Variants in GEN1 observed in about 807,000 individuals in gnomAD.
GEN1 encodes GEN1 structure-specific endonuclease.
Under a neutral mutation model 67.6 loss-of-function variants are expected in GEN1, and 64 were observed. The ratio of observed to expected loss-of-function variants is 0.95; its 90% CI spans 0.77 to 1.17. GEN1 has a LOEUF of 1.17. Among genes scored for constraint, GEN1 ranks in the 50% most tolerant of loss-of-function variants. GEN1 has a pLI of 0.00. For missense variants in GEN1, 1,058 were observed against 1,048.3 expected (o/e 1.01, Z -0.13); for synonymous variants, 371 against 359.4 (o/e 1.03, Z -0.37).
Position 17,788,429 on chromosome 2 carries a change from G to GT in GEN1, c.*6493dup, listed in dbSNP as rs1200199953. 2 of 152,226 alleles carry GT rather than the reference G, an allele frequency of 1.3e-5. No individual in the cohort carries two copies. The highest frequency in any genetic ancestry group is 4.8e-5 in the African/African-American group (2 of 41,466). 9.4% of individuals were successfully genotyped at this position (152,226 alleles called of 1,614,324 possible). On this transcript the variant is annotated 3_prime_UTR_variant, in exon 14 of 14. Transcript: ENST00000381254. Reference sequence around the variant, plus strand: ...GCCAGATAAATTCACTAAGTTGCCTGTTTGGCAATGGAGGGCAGAGTTATC... The same window carrying GT: ...GCCAGATAAATTCACTAAGTTGCCTGTTTTGGCAATGGAGGGCAGAGTTATC...
intron 11 of GEN1, among the ~76,000 whole-genome samples, chr2:17,775,378 A>T (rs180875239): frequency 1.3e-5 from 2 of 152,360 alleles, no homozygotes; most frequent in African/African-American, 4.8e-5. Flanking sequence ...CATATAAAAA[A>T]TGCTTAAGAG....
intron 12 of GEN1, among the ~76,000 whole-genome samples, chr2:17,779,115 G>A (rs1672698103): frequency 6.6e-6 from 1 of 152,124 alleles, no homozygotes; most frequent in Admixed American, 6.5e-5. Context: ...TAGAGATGGA[G>A]TTTCGTTATT....
Position 17,760,188 on chromosome 2 carries a change from T to G in GEN1, c.161+84T>G, listed in dbSNP as rs1671608171. 1.7e-5 allele frequency: 22 copies of G among 1,292,998 alleles called. No individual in the cohort carries two copies. The South Asian group carries it at 3.3e-4, about 19-fold the overall frequency. 80.1% of individuals were successfully genotyped at this position (1,292,998 alleles called of 1,614,324 possible). A position where few individuals can be genotyped will look rare whatever the true frequency, so the allele number is the denominator to read the frequency against. On this transcript the variant is annotated intron_variant, in intron 2 of 13. Coordinates refer to ENST00000381254, the MANE Select transcript of GEN1 (RefSeq NM_001130009.3). ...ATTTTGTTTCACCTTTTTTTTTCTT[T>G]TGTTGTTGTTATTCTTTTACATTTT... is the stretch of plus-strand genomic sequence containing the variant.
rs1672836402 is a variant in GEN1, at chr2:17,781,550, A to G, written c.2338A>G (p.Lys780Glu). The G allele has an allele frequency of 4.3e-6, 7 of 1,613,804 alleles. No homozygotes were observed. The African/African-American group carries it at 6.7e-5, about 15-fold the overall frequency. Reference sequence around the variant, plus strand: ...AAATACTGCTTTAGATCATAGTAGAAAAGTTGATATGCAAACCACTCGGAA... The same window carrying G: ...AAATACTGCTTTAGATCATAGTAGAGAAGTTGATATGCAAACCACTCGGAA... The part of the protein sequence containing the change: ...PPNTALDHSR[K>E]VDMQTTRKIL... Residue 780 changes from lysine (K) to glutamate (E), a missense_variant, in exon 14 of 14, where the codon AAA (lysine) becomes GAA (glutamate). Lys to Glu is a moderately conservative substitution (Grantham distance 56). Coordinates refer to ENST00000381254, the MANE Select transcript of GEN1 (RefSeq NM_001130009.3).
At chr2:17,763,893 G>A (rs943363088) in intron 3 of GEN1, among the ~76,000 whole-genome samples, 1 of 152,212 alleles carries the variant, frequency 6.6e-6, no homozygotes, top group African/African-American at 2.4e-5. Flanking sequence ...ATTATGTAAT[G>A]TGGCGTGGAA....
At position 17,788,101 on chromosome 2, in the gene GEN1, C is replaced by T. The variant is rs1673113643; in HGVS notation, c.*6162C>T. On this transcript the variant is annotated 3_prime_UTR_variant, in exon 14 of 14. Coordinates refer to ENST00000381254, the MANE Select transcript of GEN1 (RefSeq NM_001130009.3). ...GACGCCCTGCCAAGATGCTTGCTTT[C>T]TGAAGGTGAAGAGTCTAAATCAACT... The T allele has an allele frequency of 1.3e-5, 2 of 152,196 alleles. No homozygotes were observed. Among genetic ancestry groups the T allele is most frequent in the African/African-American group, 4.8e-5 (2 of 41,448 alleles). The allele number at this position is 152,196 out of a possible 1,614,324, so 9.4% of individuals were successfully genotyped here.
In GEN1 at chr2:17,761,537, G is replaced by A. The variant is rs144005627; in HGVS notation, c.303G>A (p.Trp101Ter). ...GGTATGGGTCTTCTGGAAAATCGTGGTCTCAGAAAACAGGGAGATCACATT... is the reference window on the plus strand; with the variant it reads ...GGTATGGGTCTTCTGGAAAATCGTGATCTCAGAAAACAGGGAGATCACATT... ...QSRYGSSGKS[W>*]SQKTGRSHFK... Residue 101 changes from tryptophan to a stop codon, truncating the protein, a stop_gained, in exon 3 of 14, where the codon TGG becomes TGA. Coordinates refer to ENST00000381254, the MANE Select transcript of GEN1 (RefSeq NM_001130009.3). LOFTEE classifies it high-confidence loss of function. 4.5e-5 allele frequency: 73 copies of A among 1,612,424 alleles called. No individual in the cohort carries two copies. Among genetic ancestry groups the A allele is most frequent in the Non-Finnish European group, 6.1e-5 (72 of 1,179,548 alleles).
intron 3 of GEN1, among the ~76,000 whole-genome samples, chr2:17,762,069 TTATAA>T (rs1368777378): frequency 6.6e-6 from 1 of 151,900 alleles, no homozygotes; most frequent in Non-Finnish European, 1.5e-5. Context: ...TGTCGTTACA[TTATAA>T]TATATTATTT....
intron 13 of GEN1, 101 bp downstream of exon 13, chr2:17,780,222 C>T (rs1427222518): frequency 7.6e-6 from 7 of 915,376 alleles, no homozygotes; most frequent in Non-Finnish European, 9.9e-6. Context: ...ACTGAAAAAT[C>T]TATAAACTCA....
Position 17,773,318 on chromosome 2 carries a change from T to A in GEN1, c.1071+19T>A. ...GTTTCAGGTATCTGAAAATAAATTC[T>A]TCTTTACTGTATGAAGTTATATGCT... On this transcript the variant is annotated intron_variant, in intron 10 of 13. Coordinates refer to ENST00000381254, the MANE Select transcript of GEN1 (RefSeq NM_001130009.3). 7.0e-7 allele frequency: 1 copy of A among 1,423,776 alleles called. No homozygotes were observed. Among genetic ancestry groups the A allele is most frequent in the Non-Finnish European group, 9.8e-7 (1 of 1,019,792 alleles). The allele number at this position is 1,423,776 out of a possible 1,614,324, so 88.2% of individuals were successfully genotyped here. A position where few individuals can be genotyped will look rare whatever the true frequency, so the allele number is the denominator to read the frequency against.
rs1452910826 is a variant in GEN1 at position 17,786,427 on chromosome 2, A to G, written c.*4488A>G. On this transcript the variant is annotated 3_prime_UTR_variant, in exon 14 of 14. Transcript: ENST00000381254. ...GTGGCATTTGAGCTACTGGAAAAAA[A>G]TTGTGCTTGCTTAAATATAATGTGG... 6.6e-6 allele frequency: 1 copy of G among 152,212 alleles called. No individual in the cohort carries two copies. The highest frequency in any genetic ancestry group is 1.5e-5 in the Non-Finnish European group (1 of 68,032). 9.4% of individuals were successfully genotyped at this position (152,212 alleles called of 1,614,324 possible). A position where few individuals can be genotyped will look rare whatever the true frequency, so the allele number is the denominator to read the frequency against.
At chr2:17,759,386 A>AAGTTAAAAGTTC (rs1671569283) in intron 1 of GEN1, among the ~76,000 whole-genome samples, 1 of 152,122 alleles carries the variant, frequency 6.6e-6, no homozygotes. Context: ...GTTAAAAGTT[A>AAGTTAAAAGTTC]TAAGTGATTA....
intron 5 of GEN1, among the ~76,000 whole-genome samples, chr2:17,768,034 C>G (rs139464229): frequency 2.0e-5 from 3 of 152,256 alleles, no homozygotes; most frequent in African/African-American, 7.2e-5. Context: ...ATGGGACATT[C>G]CTGTGCAGGC....
At chr2:17,765,188 T>C (rs1671869538) in intron 4 of GEN1, 115 bp downstream of exon 4, 1 of 895,498 alleles carries the variant, frequency 1.1e-6, no homozygotes, top group South Asian at 1.6e-5. Context: ...CACGTAGCAA[T>C]TGCTAATTAA....
At position 17,772,729 on chromosome 2, in the gene GEN1, T is replaced by A. The variant is rs780226254; in HGVS notation, c.898T>A (p.Trp300Arg). Residue 300 changes from tryptophan to arginine, a missense_variant, in exon 8 of 14, where the codon TGG (tryptophan) becomes AGG (arginine). By Grantham distance (101) the Trp-to-Arg change is moderately radical. Transcript: ENST00000381254. ...HDYEYCCPCE[W>R]HRTEHDRQLS... ...CTATGAATACTGCTGTCCTTGTGAG[T>A]GGCACCGTACAGAACATGATAGGCA... 6.2e-7 allele frequency: 1 copy of A among 1,612,238 alleles called. No homozygotes were observed. The highest frequency in any genetic ancestry group is 8.5e-7 in the Non-Finnish European group (1 of 1,178,714).
chr2:17,754,361 C>T lies in GEN1; in HGVS notation c.-16+16C>T, dbSNP rs964266939. The T allele has an allele frequency of 6.6e-6, 1 of 152,138 alleles. No individual in the cohort carries two copies. The highest frequency in any genetic ancestry group is 2.4e-5 in the African/African-American group (1 of 41,394). The allele number at this position is 152,138 out of a possible 1,614,324, so 9.4% of individuals were successfully genotyped here. On this transcript the variant is annotated intron_variant, in intron 1 of 13. Coordinates refer to ENST00000381254, the MANE Select transcript of GEN1 (RefSeq NM_001130009.3). ...GGTTGTCCGGGTAAGTCCCGCGGGA[C>T]GTGGAGAGACGGCGCCGCCCGGGTC... is the stretch of plus-strand genomic sequence containing the variant.
At position 17,778,777 on chromosome 2, in the gene GEN1, C is replaced by CT. The variant is rs57128792; in HGVS notation, c.1264+725dup. ...ATACTCCTGGGGTACACTTCCTTTCCTTTTTTTTTTTAACCCTGCTTAGTT... is the reference window on the plus strand; with the variant it reads ...ATACTCCTGGGGTACACTTCCTTTCCTTTTTTTTTTTTAACCCTGCTTAGTT... On this transcript the variant is annotated intron_variant, in intron 12 of 13. Coordinates refer to ENST00000381254, the MANE Select transcript of GEN1 (RefSeq NM_001130009.3). Among the ~76,000 whole-genome samples the CT allele has an allele frequency of 4.5e-3, 660 of 146,114 alleles. 1 individual carries two copies. Among genetic ancestry groups the CT allele is most frequent in the East Asian group, 9.8e-3 (49 of 5,022 alleles).
At chr2:17,767,227 A>C in intron 5 of GEN1, among the ~76,000 whole-genome samples, 1 of 152,358 alleles carries the variant, frequency 6.6e-6, no homozygotes, top group East Asian at 1.9e-4. Context: ...AAATAGGTAT[A>C]ACAGGTGAGT....
rs901245270 is a variant in GEN1, at chr2:17,782,034, T to G, written c.*95T>G. The G allele has an allele frequency of 1.2e-5, 8 of 691,354 alleles. No homozygotes were observed. Among genetic ancestry groups the G allele is most frequent in the African/African-American group, 1.8e-5 (1 of 54,886 alleles). 42.8% of individuals were successfully genotyped at this position (691,354 alleles called of 1,614,324 possible). ...ATCTAGTTCATGTGTGGTAAAAATT[T>G]TAATGTTCTCTGTGTCATGAAACAC... On this transcript the variant is annotated 3_prime_UTR_variant, in exon 14 of 14. Coordinates refer to ENST00000381254, the MANE Select transcript of GEN1 (RefSeq NM_001130009.3).
Sources: allele counts gnomAD v4.1 joint callset (sites outside exome capture counted in the v4.1 genomes callset), GRCh38; gene constraint gnomAD v4.1.1; transcripts MANE v1.5; gene names NCBI Gene and HGNC (gene_info 2026-07-23, HGNC 2026-07-21).